The following FAM171B variants were observed in gnomAD, a reference collection of about 807,000 sequenced individuals.
The protein encoded by FAM171B is protein FAM171B.
FAM171B carries 19 observed loss-of-function variants against 75.6 expected under a neutral mutation model. The observed-to-expected ratio is 0.25, with a 90% CI of 0.18 to 0.37. The LOEUF (loss-of-function observed/expected upper bound fraction) is 0.37, where lower values mean the gene tolerates loss of function less well. FAM171B is among the 10% of genes least tolerant of loss of function. FAM171B has a pLI of 1.00. For missense variants in FAM171B, 848 were observed against 982.4 expected (o/e 0.86, Z 1.83); for synonymous variants, 367 against 361.7 (o/e 1.01, Z -0.17).
intron 1 of FAM171B, among the ~76,000 whole-genome samples, chr2:186,719,572 A>G (rs902508267): frequency 6.6e-6 from 1 of 152,242 alleles, no homozygotes; most frequent in Non-Finnish European, 1.5e-5. Context: ...TAAAACAACA[A>G]TCTTGGGAAT....
chr2:186,713,858 CT>C (rs1418546996), intron 1 of FAM171B, among the ~76,000 whole-genome samples: 2 of 152,104 alleles, frequency 1.3e-5, no homozygotes, highest in Non-Finnish European at 1.5e-5. Context: ...ATCTTTGATG[CT>C]TTTTGTTTTG....
chr2:186,694,104 C>T lies in FAM171B; in HGVS notation c.-70C>T. The T allele has an allele frequency of 7.2e-7, 1 of 1,395,654 alleles. No homozygotes were observed. Among genetic ancestry groups the T allele is most frequent in the Non-Finnish European group, 9.2e-7 (1 of 1,083,702 alleles). 86.5% of individuals were successfully genotyped at this position (1,395,654 alleles called of 1,614,324 possible). A position where few individuals can be genotyped will look rare whatever the true frequency, so the allele number is the denominator to read the frequency against. On this transcript the variant is annotated 5_prime_UTR_variant, in exon 1 of 8. Transcript: ENST00000304698. ...GCGAGCGAGCGGGCGCTGCCAGGAG[C>T]CCGCAGCCCTGGCGCCCGCCGCCGC...
chr2:186,765,201 A>G lies in FAM171B; in HGVS notation c.*2378A>G, dbSNP rs553691395. 1.3e-5 allele frequency: 2 copies of G among 152,168 alleles called. No homozygotes were observed. The highest frequency in any genetic ancestry group is 6.6e-5 in the Admixed American group (1 of 15,260). 9.4% of individuals were successfully genotyped at this position (152,168 alleles called of 1,614,324 possible). ...ACTTTTTCTTAACCCAAGTGATAAT[A>G]AACAATATTCACAACTTTCTTAAAT... On this transcript the variant is annotated 3_prime_UTR_variant, in exon 8 of 8. Coordinates refer to ENST00000304698, the MANE Select transcript of FAM171B (RefSeq NM_177454.4).
At chr2:186,702,491 C>T (rs1442289798) in intron 1 of FAM171B, among the ~76,000 whole-genome samples, 2 of 152,150 alleles carry the variant, frequency 1.3e-5, no homozygotes, top group Non-Finnish European at 2.9e-5. Context: ...CGTTTTGCAT[C>T]AGCACAATTC....
chr2:186,745,251 T>C (rs568964724), intron 3 of FAM171B, among the ~76,000 whole-genome samples: 1 of 152,346 alleles, frequency 6.6e-6, no homozygotes, highest in African/African-American at 2.4e-5. Context: ...ATTGGGGCCT[T>C]AATGAAATTA....
At chr2:186,702,156 C>T (rs1300366453) in intron 1 of FAM171B, among the ~76,000 whole-genome samples, 1 of 152,216 alleles carries the variant, frequency 6.6e-6, no homozygotes, top group Non-Finnish European at 1.5e-5. Flanking sequence ...ATTCTGTGAA[C>T]ATCATAGAGT....
At chr2:186,694,528 C>A in intron 1 of FAM171B, 117 bp downstream of exon 1, 1 of 1,341,466 alleles carries the variant, frequency 7.5e-7, no homozygotes, top group Admixed American at 2.7e-5. Flanking sequence ...CTGTCACCAT[C>A]CCTCCCGATC....
At chr2:186,736,535 TG>T (rs1690201060) in intron 1 of FAM171B, among the ~76,000 whole-genome samples, 1 of 103,860 alleles carries the variant, frequency 9.6e-6, no homozygotes, top group Non-Finnish European at 2.1e-5. Flanking sequence ...AATATGTTTG[TG>T]GCTGTGTGTG....
At chr2:186,740,152 T>C (rs1690266461) in intron 1 of FAM171B, 76 bp from the exon 2 acceptor site, 1 of 994,802 alleles carries the variant, frequency 1.0e-6, no homozygotes, top group South Asian at 1.5e-5. Context: ...TTTAGATATG[T>C]TGAATGACAT....
chr2:186,720,769 C>T (rs2105778725), intron 1 of FAM171B, among the ~76,000 whole-genome samples: 1 of 147,740 alleles, frequency 6.8e-6, no homozygotes, highest in South Asian at 2.1e-4. Context: ...ATTAAATGTA[C>T]CCAAACCCTG....
chr2:186,726,964 A>G (rs1036443434), intron 1 of FAM171B, among the ~76,000 whole-genome samples: 1 of 152,144 alleles, frequency 6.6e-6, no homozygotes, highest in African/African-American at 2.4e-5. Flanking sequence ...TCCTGCAATT[A>G]TCATTCCTTT....
intron 6 of FAM171B, among the ~76,000 whole-genome samples, chr2:186,759,104 T>A (rs1690577895): frequency 6.6e-6 from 1 of 152,132 alleles, no homozygotes; most frequent in African/African-American, 2.4e-5. Flanking sequence ...CAACTCCCAT[T>A]CATGTTGTTG....
At chr2:186,702,764 C>T (rs1689681012) in intron 1 of FAM171B, among the ~76,000 whole-genome samples, 1 of 152,068 alleles carries the variant, frequency 6.6e-6, no homozygotes, top group Admixed American at 6.6e-5. Context: ...AGAACTGTAA[C>T]ATGCCTCAGT....
At chr2:186,711,949 T>G (rs1353860310) in intron 1 of FAM171B, among the ~76,000 whole-genome samples, 1 of 152,196 alleles carries the variant, frequency 6.6e-6, no homozygotes, top group Non-Finnish European at 1.5e-5. Flanking sequence ...ATTTTTAAAT[T>G]AGTTTCTAAT....
chr2:186,697,039 GATGA>G (rs1188971478), intron 1 of FAM171B, among the ~76,000 whole-genome samples: 163 of 151,698 alleles, frequency 1.1e-3, no homozygotes, highest in Non-Finnish European at 1.4e-3. Context: ...TGGATGGATG[GATGA>G]ATGAATGAAT....
At chr2:186,744,987 C>T (rs768474745) in intron 3 of FAM171B, among the ~76,000 whole-genome samples, 15 of 152,010 alleles carry the variant, frequency 9.9e-5, no homozygotes, top group South Asian at 2.1e-4. Context: ...TGTACCACCA[C>T]GCCTGGCTAA....
intron 1 of FAM171B, among the ~76,000 whole-genome samples, chr2:186,705,002 A>C (rs1689714738): frequency 6.6e-6 from 1 of 152,226 alleles, no homozygotes; most frequent in South Asian, 2.1e-4. Flanking sequence ...AGTGGGGCTT[A>C]GCCTGTGAAG....
chr2:186,747,339 A>C, intron 4 of FAM171B, 89 bp downstream of exon 4: 2 of 833,708 alleles, frequency 2.4e-6, no homozygotes, highest in Non-Finnish European at 3.4e-6. Context: ...AATAGCTTAT[A>C]ATATATAAGC....
At chr2:186,733,573 A>G (rs981370988) in intron 1 of FAM171B, among the ~76,000 whole-genome samples, 1 of 152,196 alleles carries the variant, frequency 6.6e-6, no homozygotes, top group Non-Finnish European at 1.5e-5. Context: ...CATTCAGCTC[A>G]CACTACTGGC....
Sources: gnomAD v4.1 joint callset for allele counts (sites outside exome capture counted in the v4.1 genomes callset) on GRCh38, gnomAD v4.1.1 for gene constraint, MANE v1.5 for transcripts, NCBI Gene and HGNC (gene_info 2026-07-23, HGNC 2026-07-21) for gene names.